Variants in SLC7A1 observed in about 807,000 individuals in gnomAD.
The protein encoded by SLC7A1 is high affinity cationic amino acid transporter 1.
A neutral mutation model predicts 53.9 loss-of-function variants in SLC7A1; 10 were observed. The ratio of observed to expected loss-of-function variants is 0.19; its 90% confidence interval spans 0.11 to 0.31. SLC7A1 has a LOEUF of 0.31. Among genes scored for constraint, SLC7A1 ranks in the 10% least tolerant of loss-of-function variants. SLC7A1 has a pLI of 1.00. For missense variants in SLC7A1, 525 were observed against 827.2 expected (o/e 0.63, Z 4.48); for synonymous variants, 342 against 338.7 (o/e 1.01, Z -0.11).
intron 2 of SLC7A1, among the ~76,000 whole-genome samples, chr13:29,536,866 A>G (rs893401914): frequency 2.0e-4 from 31 of 152,234 alleles, no homozygotes; most frequent in African/African-American, 6.5e-4. Context: ...TGTCAGCCCA[A>G]TGTGCTCTGT....
rs1424648278 is a variant in SLC7A1, at chr13:29,516,142, C to A, written c.1782G>T (p.Leu594=). 4 of 1,605,020 alleles carry A rather than the reference C, an allele frequency of 2.5e-6. No homozygotes were observed. The highest frequency in any genetic ancestry group is 3.4e-6 in the Non-Finnish European group (4 of 1,172,440). ...GCTGGCAGCAGCATCACATACCTAT[C>A]AGCATCCACACAGCAAACCGGACCC... The part of the protein sequence containing the change: ...GTWVRFAVWM[L]IGFIIYFGYG... The change falls in exon 12 of 13, where the codon CTG becomes CTT. Residue 594 remains leucine (L), a synonymous_variant. Coordinates refer to ENST00000380752, the MANE Select transcript of SLC7A1 (RefSeq NM_003045.5).
intron 1 of SLC7A1, among the ~76,000 whole-genome samples, chr13:29,566,087 G>A (rs1407850643): frequency 6.6e-6 from 1 of 152,234 alleles, no homozygotes; most frequent in Non-Finnish European, 1.5e-5. Context: ...AGCAGCGATG[G>A]TTGTACAACA....
chr13:29,550,964 G>A (rs12864238), intron 2 of SLC7A1, among the ~76,000 whole-genome samples: 21,067 of 152,244 alleles, frequency 0.14, 1,979 homozygotes, highest in Middle Eastern at 0.22. Flanking sequence ...TTGCTTCAAT[G>A]GTGGGGATAA....
chr13:29,524,392 G>A (rs760326697), intron 5 of SLC7A1, 139 bp from the exon 6 acceptor site: 462 of 1,056,230 alleles, frequency 4.4e-4, no homozygotes, highest in South Asian at 9.4e-4. Context: ...GGCTTCAGAC[G>A]CTGAGTCCAG....
At chr13:29,548,443 C>G (rs114822238) in intron 2 of SLC7A1, among the ~76,000 whole-genome samples, 1,703 of 152,320 alleles carry the variant, frequency 0.011, 26 homozygotes, top group African/African-American at 0.039. Flanking sequence ...AGGCTGGCAC[C>G]CTGGTCTGTG....
At chr13:29,522,233 A>C (rs1462260316) in intron 8 of SLC7A1, 84 bp downstream of exon 8, 7 of 1,383,100 alleles carry the variant, frequency 5.1e-6, no homozygotes, top group Non-Finnish European at 7.2e-6. Context: ...TTACTCACAG[A>C]CCAGAACTGC....
At chr13:29,588,470 G>A (rs1337063794) in intron 1 of SLC7A1, among the ~76,000 whole-genome samples, 3 of 151,510 alleles carry the variant, frequency 2.0e-5, no homozygotes, top group Non-Finnish European at 4.4e-5. Flanking sequence ...GTACCCAGGA[G>A]TTCCTTGCAC....
chr13:29,548,380 G>A (rs1363604150), intron 2 of SLC7A1, among the ~76,000 whole-genome samples: 3 of 152,228 alleles, frequency 2.0e-5, no homozygotes, highest in Admixed American at 2.0e-4. Flanking sequence ...GCCTCACTGG[G>A]GAGATGGAAC....
At chr13:29,592,166 C>T (rs746564366) in intron 1 of SLC7A1, among the ~76,000 whole-genome samples, 1 of 152,182 alleles carries the variant, frequency 6.6e-6, no homozygotes, top group Non-Finnish European at 1.5e-5. Flanking sequence ...TCCCATTCTG[C>T]ATTGAAGCTG....
At chr13:29,570,326 T>A (rs970548791) in intron 1 of SLC7A1, among the ~76,000 whole-genome samples, 1 of 152,226 alleles carries the variant, frequency 6.6e-6, no homozygotes, top group Non-Finnish European at 1.5e-5. Flanking sequence ...ATTCTTTCCA[T>A]GTCCCATTTC....
At chr13:29,523,542 T>C (rs1868734514) in intron 6 of SLC7A1, 54 bp from the exon 7 acceptor site, 1 of 1,355,742 alleles carries the variant, frequency 7.4e-7, no homozygotes, top group African/African-American at 1.4e-5. Context: ...GCAGTGTATC[T>C]GCCCACATGA....
chr13:29,569,726 G>A (rs1326998585), intron 1 of SLC7A1, among the ~76,000 whole-genome samples: 1 of 152,162 alleles, frequency 6.6e-6, no homozygotes, highest in Non-Finnish European at 1.5e-5. Flanking sequence ...AATAACATCT[G>A]AGCAGCTGGT....
intron 1 of SLC7A1, among the ~76,000 whole-genome samples, chr13:29,592,905 A>G (rs1258522648): frequency 6.6e-6 from 1 of 152,100 alleles, no homozygotes; most frequent in Non-Finnish European, 1.5e-5. Context: ...ATCCCACAGG[A>G]CAAGTCCACC....
intron 1 of SLC7A1, among the ~76,000 whole-genome samples, chr13:29,562,689 G>T (rs1178232583): frequency 6.6e-6 from 1 of 152,086 alleles, no homozygotes; most frequent in East Asian, 1.9e-4. Flanking sequence ...TATCTGTCAT[G>T]GTTCCACTGT....
chr13:29,525,721 G>A (rs758383571), intron 5 of SLC7A1, among the ~76,000 whole-genome samples: 11 of 152,194 alleles, frequency 7.2e-5, no homozygotes, highest in Non-Finnish European at 1.3e-4. Context: ...AAACAGTAAC[G>A]AGAGGAAACC....
Position 29,530,727 on chromosome 13 carries a change from A to T in SLC7A1, c.530-15T>A. ...AGTTAAAAGTCCTGAAAAAGTGCAT[A>T]GACACAAAACTTTGTCTGAGTGTTA... On this transcript the variant is annotated splice_polypyrimidine_tract_variant and intron_variant, in intron 4 of 12. Transcript: ENST00000380752. 1 of 1,612,004 alleles carries T rather than the reference A, an allele frequency of 6.2e-7. No individual in the cohort carries two copies. Among genetic ancestry groups the T allele is most frequent in the South Asian group, 1.1e-5 (1 of 90,976 alleles).
intron 2 of SLC7A1, among the ~76,000 whole-genome samples, chr13:29,547,823 A>G (rs893861628): frequency 3.3e-5 from 5 of 152,226 alleles, no homozygotes; most frequent in African/African-American, 1.2e-4. Flanking sequence ...CATGTTTGGA[A>G]ATTTCCAAAA....
intron 8 of SLC7A1, among the ~76,000 whole-genome samples, chr13:29,520,114 A>G (rs1305128647): frequency 6.6e-6 from 1 of 151,662 alleles, no homozygotes; most frequent in Non-Finnish European, 1.5e-5. Context: ...TCTCCCATCC[A>G]TCTCATCCAT....
Position 29,580,972 on chromosome 13 carries a change from A to C in SLC7A1, c.-115+14444T>G, listed in dbSNP as rs546349927. Among the ~76,000 whole-genome samples, 29 of 152,276 alleles carry C rather than the reference A, an allele frequency of 1.9e-4. No individual in the cohort carries two copies. In the South Asian group the frequency reaches 6.0e-3, roughly 32 times the overall value. On this transcript the variant is annotated intron_variant, in intron 1 of 12. Transcript: ENST00000380752. ...TCCCACCACCGCCAGAGCCTCCCGG[A>C]GAAGAGCCAGCCTTGGCTCACATTT...
Sources: gnomAD v4.1 joint callset for allele counts (sites outside exome capture counted in the v4.1 genomes callset) on GRCh38, gnomAD v4.1.1 for gene constraint, MANE v1.5 for transcripts, NCBI Gene and HGNC (gene_info 2026-07-23, HGNC 2026-07-21) for gene names.